RAB44: variants seen among roughly 807,000 people sequenced by gnomAD.
RAB44 encodes the protein RAB44, member RAS oncogene family.
A neutral mutation model predicts 93.3 loss-of-function variants in RAB44; 67 were observed. The observed-to-expected ratio is 0.72, with a 90% CI of 0.59 to 0.88. RAB44 has a LOEUF of 0.88. RAB44 is among the 40% of genes least tolerant of loss of function. The probability of loss-of-function intolerance (pLI) is 0.00; values close to 1 mark genes in which losing one functional copy is unlikely to be tolerated. For missense variants in RAB44, 1,064 were observed against 1,261.7 expected (o/e 0.84, Z 2.37); for synonymous variants, 427 against 520.3 (o/e 0.82, Z 2.44).
intron 10 of RAB44, 135 bp downstream of exon 10, chr6:36,726,078 T>A (rs1005502406): frequency 4.4e-6 from 3 of 688,338 alleles, no homozygotes; most frequent in Non-Finnish European, 7.7e-6. Flanking sequence ...GAAGGAGAGA[T>A]GAGTCAAGCC....
intron 2 of RAB44, among the ~76,000 whole-genome samples, chr6:36,707,344 A>AGT (rs1303680109): frequency 6.6e-6 from 1 of 151,498 alleles, no homozygotes; most frequent in African/African-American, 2.4e-5. Context: ...GTGACAGCAG[A>AGT]GTGAGGCTCT....
At chr6:36,704,540 C>T (rs766029793) in intron 2 of RAB44, 98 bp downstream of exon 2, 2 of 1,119,316 alleles carry the variant, frequency 1.8e-6, no homozygotes, top group Non-Finnish European at 1.3e-6. Flanking sequence ...GCTACCCCTG[C>T]CCCTTTCTCT....
At chr6:36,713,397 T>C (rs1762834238) in intron 2 of RAB44, among the ~76,000 whole-genome samples, 5 of 152,144 alleles carry the variant, frequency 3.3e-5, no homozygotes, top group Admixed American at 2.6e-4. Context: ...GGTTTCACTA[T>C]GTTGTCCAGG....
chr6:36,718,556 G>C lies in RAB44; in HGVS notation c.796G>C (p.Glu266Gln). The part of the protein sequence containing the change: ...MQDVLEAKER[E>Q]VQRLAEGQRE... ...GGACGTCCTAGAGGCCAAGGAGCGC[G>C]AGGTGCAGCGACTAGCTGAGGGCCA... is the stretch of plus-strand genomic sequence containing the variant. The change falls in exon 7 of 14, where the codon GAG (glutamate) becomes CAG (glutamine). Residue 266 changes from glutamate to glutamine, a missense_variant. Coordinates refer to ENST00000612677, the MANE Select transcript of RAB44 (RefSeq NM_001257357.2). The C allele has an allele frequency of 8.1e-7, 1 of 1,234,284 alleles. No homozygotes were observed. The highest frequency in any genetic ancestry group is 3.2e-5 in the East Asian group (1 of 31,716). 76.5% of individuals were successfully genotyped at this position (1,234,284 alleles called of 1,614,324 possible).
At chr6:36,708,785 C>A (rs1762711300) in intron 2 of RAB44, among the ~76,000 whole-genome samples, 1 of 152,020 alleles carries the variant, frequency 6.6e-6, no homozygotes, top group South Asian at 2.1e-4. Context: ...AGAAGCTAAA[C>A]AGTAGCCTCT....
At chr6:36,725,832 G>A in intron 9 of RAB44, 30 bp from the exon 10 acceptor site, 1 of 1,505,814 alleles carries the variant, frequency 6.6e-7, no homozygotes, top group African/African-American at 1.4e-5. Context: ...TGGTAACTTA[G>A]TAGGCTTCAC....
At chr6:36,706,179 T>C (rs960696453) in intron 2 of RAB44, among the ~76,000 whole-genome samples, 1 of 152,100 alleles carries the variant, frequency 6.6e-6, no homozygotes, top group Non-Finnish European at 1.5e-5. Context: ...AGATTACAGG[T>C]GTGAGCTGCC....
chr6:36,708,306 G>T (rs1243166317), intron 2 of RAB44, among the ~76,000 whole-genome samples: 1 of 151,938 alleles, frequency 6.6e-6, no homozygotes, highest in Admixed American at 6.6e-5. Context: ...CTGAAATATT[G>T]ATATTAATAG....
At chr6:36,711,479 A>G (rs903178370) in intron 2 of RAB44, among the ~76,000 whole-genome samples, 1 of 152,230 alleles carries the variant, frequency 6.6e-6, no homozygotes, top group African/African-American at 2.4e-5. Context: ...AACCAGTCTA[A>G]TTTGTTCAAA....
chr6:36,721,967 C>A lies in RAB44; in HGVS notation c.1833C>A (p.Thr611=). Residue 611 remains threonine, a synonymous_variant, in exon 9 of 14, where the codon ACC becomes ACA. Coordinates refer to ENST00000612677, the MANE Select transcript of RAB44 (RefSeq NM_001257357.2). ...RLGTQRARAL[T]LGPAEPFQGL... ...GGACCCAGAGGGCTAGAGCCCTCACCCTGGGGCCAGCTGAGCCCTTCCAGG... is the reference window on the plus strand; with the variant it reads ...GGACCCAGAGGGCTAGAGCCCTCACACTGGGGCCAGCTGAGCCCTTCCAGG... 1 of 1,234,590 alleles carries A rather than the reference C, an allele frequency of 8.1e-7. No homozygotes were observed. The highest frequency in any genetic ancestry group is 1.0e-6 in the Non-Finnish European group (1 of 988,330). 76.5% of individuals were successfully genotyped at this position (1,234,590 alleles called of 1,614,324 possible).
At chr6:36,706,046 C>T (rs1762642687) in intron 2 of RAB44, among the ~76,000 whole-genome samples, 1 of 152,052 alleles carries the variant, frequency 6.6e-6, no homozygotes, top group African/African-American at 2.4e-5. Context: ...ACTAAAGGCA[C>T]AGGCCACTAC....
Position 36,721,207 on chromosome 6 carries a change from C to CTGCCTCCCCTGAGGAGGA in RAB44, c.1073_1074insTGCCTCCCCTGAGGAGGA (p.Ala358_Pro359insAlaSerProGluGluAsp). The CTGCCTCCCCTGAGGAGGA allele has an allele frequency of 8.1e-7, 1 of 1,234,270 alleles. No homozygotes were observed. The highest frequency in any genetic ancestry group is 1.0e-6 in the Non-Finnish European group (1 of 988,136). The allele number at this position is 1,234,270 out of a possible 1,614,324, so 76.5% of individuals were successfully genotyped here. A position where few individuals can be genotyped will look rare whatever the true frequency, so the allele number is the denominator to read the frequency against. On this transcript the variant is annotated inframe_insertion, in exon 9 of 14. Coordinates refer to ENST00000612677, the MANE Select transcript of RAB44 (RefSeq NM_001257357.2). ...CCTCAGGCTGCCTCCCCTGAGGAGG[C>CTGCCTCCCCTGAGGAGGA]CCCCCTGCCTGGGCTATTTGGGGAC...
Position 36,732,161 on chromosome 6 carries a change from T to C in RAB44, c.*68T>C. 1 of 1,028,740 alleles carries C rather than the reference T, an allele frequency of 9.7e-7. No individual in the cohort carries two copies. The highest frequency in any genetic ancestry group is 2.2e-4 in the Middle Eastern group (1 of 4,490). The allele number at this position is 1,028,740 out of a possible 1,614,324, so 63.7% of individuals were successfully genotyped here. On this transcript the variant is annotated 3_prime_UTR_variant, in exon 14 of 14. Coordinates refer to ENST00000612677, the MANE Select transcript of RAB44 (RefSeq NM_001257357.2). ...CCTGTCCCTCAGCTCCTGTCCTTTG[T>C]TCCTGGACAGCAACGACACAGAGGA... is the stretch of plus-strand genomic sequence containing the variant.
At chr6:36,705,475 C>G (rs1344945018) in intron 2 of RAB44, among the ~76,000 whole-genome samples, 1 of 149,340 alleles carries the variant, frequency 6.7e-6, no homozygotes, top group East Asian at 2.0e-4. Flanking sequence ...CTCTGCCTCC[C>G]AGGTTCAAGC....
Position 36,713,877 on chromosome 6 carries a change from T to C in RAB44, c.257T>C (p.Phe86Ser). ...LGSKEESEMIFDWVDVERKGH... is the reference protein window; with the variant it reads ...LGSKEESEMISDWVDVERKGH... ...AGCAAGGAAGAGTCAGAGATGATCT[T>C]CGACTGGGTGGATGTGGAGCGGAAG... The change falls in exon 3 of 14, where the codon TTC becomes TCC. Residue 86 changes from phenylalanine (F) to serine (S), a missense_variant. Transcript: ENST00000612677. The C allele has an allele frequency of 5.2e-6, 8 of 1,536,084 alleles. No homozygotes were observed. The highest frequency in any genetic ancestry group is 6.1e-6 in the Non-Finnish European group (7 of 1,146,874).
Position 36,704,240 on chromosome 6 carries a change from A to G in RAB44, c.5A>G (p.Glu2Gly). The G allele has an allele frequency of 6.5e-7, 1 of 1,536,038 alleles. No homozygotes were observed. The highest frequency in any genetic ancestry group is 8.7e-7 in the Non-Finnish European group (1 of 1,146,842). Residue 2 changes from glutamate (E) to glycine (G), a missense_variant, in exon 2 of 14, where the codon GAG (glutamate) becomes GGG (glycine). By Grantham distance (98) the Glu-to-Gly change is moderately conservative. Coordinates refer to ENST00000612677, the MANE Select transcript of RAB44 (RefSeq NM_001257357.2). Reference sequence around the variant, plus strand: ...TGTCCCCAGGGCCAACGCACCATGGAGACTGGACAGAGAACATCTCGAAAA... The same window carrying G: ...TGTCCCCAGGGCCAACGCACCATGGGGACTGGACAGAGAACATCTCGAAAA... M[E>G]TGQRTSRKVR...
rs1299779526 is a variant in RAB44, at chr6:36,732,239, G to C, written c.*146G>C. The C allele has an allele frequency of 2.3e-6, 1 of 428,822 alleles. No individual in the cohort carries two copies. The highest frequency in any genetic ancestry group is 3.6e-5 in the East Asian group (1 of 27,568). 26.6% of individuals were successfully genotyped at this position (428,822 alleles called of 1,614,324 possible). On this transcript the variant is annotated 3_prime_UTR_variant, in exon 14 of 14. Transcript: ENST00000612677. ...CTCAACTCAGGACTCGGATCCCAGAGCAGGGCCGCATCACCTCTGCCTTTC... is the reference window on the plus strand; with the variant it reads ...CTCAACTCAGGACTCGGATCCCAGACCAGGGCCGCATCACCTCTGCCTTTC...
Position 36,715,664 on chromosome 6 carries a change from G to T in RAB44, c.494+11G>T. 2.0e-6 allele frequency: 3 copies of T among 1,535,352 alleles called. No individual in the cohort carries two copies. Among genetic ancestry groups the T allele is most frequent in the Non-Finnish European group, 1.7e-6 (2 of 1,146,426 alleles). On this transcript the variant is annotated intron_variant, in intron 4 of 13. Transcript: ENST00000612677. ...ACACTTACTTCCCAAGTAAGGCCAG[G>T]GCGGCATGTGCATGGGGAGAGGCTC... is the stretch of plus-strand genomic sequence containing the variant.
chr6:36,703,747 G>A (rs1159653160), intron 1 of RAB44, among the ~76,000 whole-genome samples: 1 of 152,112 alleles, frequency 6.6e-6, no homozygotes, highest in Non-Finnish European at 1.5e-5. Flanking sequence ...GTCGGTGGAG[G>A]GATCCCTGAC....
Sources: gnomAD v4.1 joint callset for allele counts (sites outside exome capture counted in the v4.1 genomes callset) on GRCh38, gnomAD v4.1.1 for gene constraint, MANE v1.5 for transcripts, NCBI Gene and HGNC (gene_info 2026-07-23, HGNC 2026-07-21) for gene names.